KCNAB1: variants seen among roughly 807,000 people sequenced by gnomAD.
KCNAB1 encodes potassium voltage-gated channel subfamily A regulatory beta subunit 1.
Under a neutral mutation model 64.6 loss-of-function variants are expected in KCNAB1, and 35 were observed. The observed-to-expected ratio is 0.54, with a 90% CI of 0.41 to 0.72. KCNAB1 has a LOEUF of 0.72. Ranked by LOEUF, KCNAB1 falls within the 30% of genes least tolerant of loss-of-function variation. The pLI is 0.00. For missense variants in KCNAB1, 401 were observed against 512.9 expected, an observed-to-expected ratio of 0.78 and a Z score of 2.11; for synonymous variants, 177 against 183.8, an observed-to-expected ratio of 0.96 and a Z score of 0.30.
intron 1 of KCNAB1, among the ~76,000 whole-genome samples, chr3:156,169,927 C>T: frequency 6.6e-6 from 1 of 152,196 alleles, no homozygotes; most frequent in Non-Finnish European, 1.5e-5. Flanking sequence ...ATACAGTCTT[C>T]TTTCAGTTTC....
At chr3:156,442,459 C>G (rs1717070639) in intron 2 of KCNAB1, among the ~76,000 whole-genome samples, 1 of 152,106 alleles carries the variant, frequency 6.6e-6, no homozygotes, top group Non-Finnish European at 1.5e-5. Flanking sequence ...TGCCCTGAAA[C>G]AAATCTTAAA....
chr3:156,241,675 C>G (rs934196646), intron 1 of KCNAB1, among the ~76,000 whole-genome samples: 1 of 152,112 alleles, frequency 6.6e-6, no homozygotes, highest in African/African-American at 2.4e-5. Context: ...ATTTCCCTTC[C>G]CTAGCACCTG....
intron 1 of KCNAB1, among the ~76,000 whole-genome samples, chr3:156,404,803 C>CT (rs1450936883): frequency 1.3e-5 from 2 of 152,034 alleles, no homozygotes; most frequent in Non-Finnish European, 2.9e-5. Context: ...TACTTAAAAT[C>CT]TTTTTTTGGG....
intron 1 of KCNAB1, among the ~76,000 whole-genome samples, chr3:156,200,963 G>T (rs921496875): frequency 6.6e-6 from 1 of 152,196 alleles, no homozygotes; most frequent in Non-Finnish European, 1.5e-5. Flanking sequence ...TTAGGCACAC[G>T]AGGGAATGTC....
chr3:156,380,077 G>T (rs529809464), intron 1 of KCNAB1, among the ~76,000 whole-genome samples: 1 of 152,220 alleles, frequency 6.6e-6, no homozygotes, highest in South Asian at 2.1e-4. Context: ...CTCACCACAA[G>T]CACATGGAGG....
intron 1 of KCNAB1, among the ~76,000 whole-genome samples, chr3:156,238,600 G>A (rs1251430878): frequency 2.0e-5 from 3 of 152,160 alleles, no homozygotes; most frequent in Non-Finnish European, 4.4e-5. Flanking sequence ...AGAGCTTTTA[G>A]ATTCATAGCC....
chr3:156,261,822 G>T lies in KCNAB1; in HGVS notation c.275+140936G>T, dbSNP rs562861873. Among the ~76,000 whole-genome samples, 11 of 152,040 alleles carry T rather than the reference G, an allele frequency of 7.2e-5. No individual in the cohort carries two copies. In the South Asian group the frequency reaches 2.3e-3, roughly 32 times the overall value. ...GTATTGAATTTCTAGATCAATTTGGGGAGAATTTGCCATCTTGACAATATT... is the reference window on the plus strand; with the variant it reads ...GTATTGAATTTCTAGATCAATTTGGTGAGAATTTGCCATCTTGACAATATT... On this transcript the variant is annotated intron_variant, in intron 1 of 13. Transcript: ENST00000490337.
At chr3:156,206,637 A>G (rs1330040737) in intron 1 of KCNAB1, among the ~76,000 whole-genome samples, 1 of 152,238 alleles carries the variant, frequency 6.6e-6, no homozygotes, top group Non-Finnish European at 1.5e-5. Flanking sequence ...TGGATAACCC[A>G]GCATAGGTAA....
intron 1 of KCNAB1, among the ~76,000 whole-genome samples, chr3:156,131,714 C>T (rs1714006323): frequency 1.3e-5 from 2 of 152,152 alleles, no homozygotes; most frequent in Admixed American, 6.6e-5. Flanking sequence ...AGTTTGAGAC[C>T]AGCCTGGACA....
chr3:156,486,702 G>A (rs1277884231), intron 8 of KCNAB1, among the ~76,000 whole-genome samples: 5 of 139,512 alleles, frequency 3.6e-5, no homozygotes, highest in Non-Finnish European at 7.4e-5. Context: ...GCCTCCTGGA[G>A]GATGAAGGCT....
At chr3:156,240,322 A>AT (rs1003443612) in intron 1 of KCNAB1, among the ~76,000 whole-genome samples, 6 of 150,660 alleles carry the variant, frequency 4.0e-5, no homozygotes, top group Non-Finnish European at 7.4e-5. Flanking sequence ...CTTTCTTTCT[A>AT]TTTTTTCCTT....
At chr3:156,229,430 C>T (rs1716386178) in intron 1 of KCNAB1, among the ~76,000 whole-genome samples, 1 of 152,180 alleles carries the variant, frequency 6.6e-6, no homozygotes, top group South Asian at 2.1e-4. Flanking sequence ...CAGGCCCCTC[C>T]TCCAACCTTG....
rs551265997 is a variant in KCNAB1 at position 156,514,257 on chromosome 3, A to C, written c.659-107A>C. ...AATATTAGGCTAATTTTATTAATCAAACAAACAATTGCATTAAGCTTCTAA... is the reference window on the plus strand; with the variant it reads ...AATATTAGGCTAATTTTATTAATCACACAAACAATTGCATTAAGCTTCTAA... On this transcript the variant is annotated intron_variant, in intron 8 of 13. Transcript: ENST00000490337. 2.1e-5 allele frequency: 16 copies of C among 780,058 alleles called. No individual in the cohort carries two copies. The Admixed American group carries it at 2.5e-4, about 12-fold the overall frequency. 48.3% of individuals were successfully genotyped at this position (780,058 alleles called of 1,614,324 possible). A position where few individuals can be genotyped will look rare whatever the true frequency, so the allele number is the denominator to read the frequency against.
At chr3:156,129,537 G>A (rs899902907) in intron 1 of KCNAB1, among the ~76,000 whole-genome samples, 1 of 152,158 alleles carries the variant, frequency 6.6e-6, no homozygotes, top group Non-Finnish European at 1.5e-5. Flanking sequence ...GCTGACTTAG[G>A]TCTAAATTCA....
rs1205462014 is a variant in KCNAB1, at chr3:156,292,114, T to C, written c.276-129502T>C. On this transcript the variant is annotated intron_variant, in intron 1 of 13. Coordinates refer to ENST00000490337, the MANE Select transcript of KCNAB1 (RefSeq NM_172160.3). ...TCAAAGAGTCCACCGCAAAGCAGAC[T>C]GGCATGAAATATAGGTATGCACGTA... The C allele has an allele frequency of 2.5e-6, 4 of 1,613,952 alleles. No homozygotes were observed. The South Asian group carries it at 3.3e-5, about 13-fold the overall frequency.
chr3:156,463,474 G>T (rs905234504), intron 5 of KCNAB1, among the ~76,000 whole-genome samples: 3 of 152,154 alleles, frequency 2.0e-5, no homozygotes, highest in Non-Finnish European at 4.4e-5. Context: ...TCCAGGCAAA[G>T]ATCATTTCCA....
chr3:156,272,278 C>T (rs181461388), intron 1 of KCNAB1, among the ~76,000 whole-genome samples: 28 of 152,330 alleles, frequency 1.8e-4, no homozygotes, highest in Admixed American at 5.2e-4. Flanking sequence ...AGTTTTTTGT[C>T]CTTCCTTTCA....
chr3:156,377,988 G>A (rs1209604466), intron 1 of KCNAB1, among the ~76,000 whole-genome samples: 2 of 151,908 alleles, frequency 1.3e-5, no homozygotes, highest in East Asian at 3.9e-4. Flanking sequence ...TGGAAGGTGT[G>A]GTATGCATGG....
In KCNAB1 at chr3:156,452,509, C is replaced by T. The variant is rs1444443409; in HGVS notation, c.320-390C>T. Among the ~76,000 whole-genome samples, 1 of 152,188 alleles carries T rather than the reference C, an allele frequency of 6.6e-6. No individual in the cohort carries two copies. The highest frequency in any genetic ancestry group is 2.4e-5 in the African/African-American group (1 of 41,446). On this transcript the variant is annotated intron_variant, in intron 2 of 13. Coordinates refer to ENST00000490337, the MANE Select transcript of KCNAB1 (RefSeq NM_172160.3). This position sits in a 1 kb window ranked among gnomAD's most constrained non-coding sequence, Gnocchi z 4.6. The stretch of plus-strand genomic sequence containing the variant: ...GAGGCAAAGAAGGGGAGAACTATAA[C>T]CATAACCCAAGGTCTTACCTTCACT...
Sources: allele counts gnomAD v4.1 joint callset (sites outside exome capture counted in the v4.1 genomes callset), GRCh38; gene constraint gnomAD v4.1.1; non-coding constraint Gnocchi (gnomAD v3.1); transcripts MANE v1.5; gene names NCBI Gene and HGNC (gene_info 2026-07-23, HGNC 2026-07-21).